The following SEC16B variants were observed in gnomAD, a reference collection of about 807,000 sequenced individuals.
SEC16B encodes the protein SEC16 homolog B, endoplasmic reticulum export factor, also known as protein transport protein Sec16B.
Under a neutral mutation model 141.8 loss-of-function variants are expected in SEC16B, and 115 were observed. The observed-to-expected ratio is 0.81, with a 90% CI of 0.70 to 0.95. SEC16B has a LOEUF of 0.95. Ranked by LOEUF, SEC16B falls within the 40% of genes least tolerant of loss-of-function variation. The pLI, the probability that SEC16B is intolerant of heterozygous loss-of-function variation, is 0.00. For synonymous variants in SEC16B, 493 were observed against 492.5 expected (o/e 1.00, Z -0.01); for missense variants, 1,291 against 1,312.3 (o/e 0.98, Z 0.25).
chr1:177,944,728 A>C (rs1369087477), intron 14 of SEC16B, 62 bp from the exon 15 acceptor site: 30 of 1,357,208 alleles, frequency 2.2e-5, no homozygotes, highest in Non-Finnish European at 3.1e-5. Flanking sequence ...GTTAAATCCT[A>C]GTGGCTCTCC....
intron 8 of SEC16B, chr1:177,959,215 A>C: frequency 1.9e-6 from 1 of 515,988 alleles, no homozygotes; most frequent in South Asian, 2.0e-5. Flanking sequence ...AGAGGCTCAG[A>C]GACCTGAAGT....
intron 4 of SEC16B, 140 bp from the exon 5 acceptor site, chr1:177,964,419 C>T: frequency 1.8e-6 from 1 of 567,936 alleles, no homozygotes; most frequent in Non-Finnish European, 3.2e-6. Context: ...AAGCATTTTC[C>T]TCCTACTCAC....
At chr1:177,958,091 A>T in intron 10 of SEC16B, 41 bp downstream of exon 10, 2 of 1,365,018 alleles carry the variant, frequency 1.5e-6, no homozygotes, top group Non-Finnish European at 1.9e-6. Context: ...AGGGATGGTG[A>T]TTGCTTTTTC....
At chr1:177,952,819 A>G (rs1652304362) in intron 11 of SEC16B, among the ~76,000 whole-genome samples, 3 of 152,052 alleles carry the variant, frequency 2.0e-5, no homozygotes, top group Non-Finnish European at 2.9e-5. Context: ...ACGTATCACA[A>G]TACAATTTCT....
At chr1:177,939,651 T>C in intron 18 of SEC16B, 51 bp downstream of exon 18, 1 of 1,388,862 alleles carries the variant, frequency 7.2e-7, no homozygotes, top group Non-Finnish European at 1.0e-6. Context: ...TCTCGTAGAA[T>C]CAGATCCTGA....
intron 1 of SEC16B, among the ~76,000 whole-genome samples, chr1:177,980,965 T>C (rs905295041): frequency 6.6e-6 from 1 of 152,038 alleles, no homozygotes; most frequent in South Asian, 2.1e-4. Context: ...ATGCTCAATG[T>C]GGTTTGAGCT....
chr1:177,954,336 T>G lies in SEC16B; in HGVS notation c.1406A>C (p.His469Pro). The G allele has an allele frequency of 6.3e-7, 1 of 1,576,634 alleles. No individual in the cohort carries two copies. The highest frequency in any genetic ancestry group is 8.6e-7 in the Non-Finnish European group (1 of 1,160,150). ...CATCTTGCTGGACAGGAACAAAGCA[T>G]GGCCCCACAAGTGGTTCTTCATGGC... ...EWAMKNHLWG[H>P]ALFLSSKMDP... The change falls in exon 11 of 26, where the codon CAT becomes CCT. Residue 469 changes from histidine to proline, a missense_variant. This residue lies in a region of SEC16B where 681 missense variants were observed against 675.5 expected (regional missense o/e 1.01). Coordinates refer to ENST00000308284, the MANE Select transcript of SEC16B (RefSeq NM_033127.4).
At chr1:177,956,494 A>G (rs1652611015) in intron 10 of SEC16B, among the ~76,000 whole-genome samples, 1 of 152,164 alleles carries the variant, frequency 6.6e-6, no homozygotes, top group Non-Finnish European at 1.5e-5. Context: ...GATATTTCTG[A>G]GAGGAAAACT....
intron 6 of SEC16B, chr1:177,961,270 G>A: frequency 6.8e-6 from 3 of 438,000 alleles, no homozygotes; most frequent in Non-Finnish European, 1.2e-5. Context: ...TCCAGACAAA[G>A]CAATGAAGCT....
intron 1 of SEC16B, among the ~76,000 whole-genome samples, chr1:177,980,766 A>G (rs1477653974): frequency 6.9e-6 from 1 of 145,934 alleles, no homozygotes; most frequent in African/African-American, 2.7e-5. Flanking sequence ...TGCGAAAAAA[A>G]AAAAGAAAGA....
At chr1:177,948,248 C>A in intron 12 of SEC16B, 1 of 965,620 alleles carries the variant, frequency 1.0e-6, no homozygotes, top group Non-Finnish European at 1.4e-6. Flanking sequence ...AGTGCCTGAC[C>A]CCCAGATAGC....
At chr1:177,971,342 A>G (rs1653941178), upstream of SEC16B, 1 of 152,180 alleles carries the variant, frequency 6.6e-6, no homozygotes, top group Non-Finnish European at 1.5e-5. Context: ...AGCCTCCCAA[A>G]GTGCTGGGAT....
rs778784885 is a variant in SEC16B at position 177,944,644 on chromosome 1, T to C, written c.1798A>G (p.Thr600Ala). The change falls in exon 15 of 26, where the codon ACA becomes GCA. Residue 600 changes from threonine (T) to alanine (A), a missense_variant. Thr to Ala is a moderately conservative substitution (Grantham distance 58). This residue lies in a region of SEC16B where 605 missense variants were observed against 614.1 expected (regional missense o/e 0.99). Coordinates refer to ENST00000308284, the MANE Select transcript of SEC16B (RefSeq NM_033127.4). ...TCCGTCCTCTGGATTGCCTCAGTTG[T>C]TGCAAATTTCAAAAACTCTTGACTA... ...SHSQEFLKFATTEAIQRTEIF... is the reference protein window; with the variant it reads ...SHSQEFLKFAATEAIQRTEIF... 43 of 1,613,730 alleles carry C rather than the reference T, an allele frequency of 2.7e-5. No individual in the cohort carries two copies. In the East Asian group the frequency reaches 5.8e-4, roughly 22 times the overall value.
intron 24 of SEC16B, among the ~76,000 whole-genome samples, chr1:177,931,703 A>C (rs1339821225): frequency 6.6e-6 from 1 of 152,254 alleles, no homozygotes; most frequent in Non-Finnish European, 1.5e-5. Flanking sequence ...AATACTGACA[A>C]GAAGAAAAAG....
chr1:177,940,500 A>G, intron 17 of SEC16B, 110 bp downstream of exon 17: 1 of 724,360 alleles, frequency 1.4e-6, no homozygotes, highest in Non-Finnish European at 2.4e-6. Context: ...AGGGTGAGGC[A>G]TGGGGACCAG....
chr1:177,936,180 A>C, intron 20 of SEC16B, 118 bp downstream of exon 20: 2 of 776,128 alleles, frequency 2.6e-6, no homozygotes, highest in Non-Finnish European at 4.4e-6. Flanking sequence ...GAGATGTGGA[A>C]GAGAAAGCTG....
In SEC16B at chr1:177,954,329, C is replaced by A; in HGVS notation, c.1413G>T (p.Leu471Phe). ...GTGGGTCCATCTTGCTGGACAGGAA[C>A]AAAGCATGGCCCCACAAGTGGTTCT... is the stretch of plus-strand genomic sequence containing the variant. Reference protein sequence around the residue: ...AMKNHLWGHALFLSSKMDPQT... With the variant: ...AMKNHLWGHAFFLSSKMDPQT... The change falls in exon 11 of 26, where the codon TTG becomes TTT. Residue 471 changes from leucine to phenylalanine, a missense_variant. Leu to Phe is a conservative substitution (Grantham distance 22). This residue lies in a region of SEC16B where 681 missense variants were observed against 675.5 expected (regional missense o/e 1.01). Coordinates refer to ENST00000308284, the MANE Select transcript of SEC16B (RefSeq NM_033127.4). 6.3e-7 allele frequency: 1 copy of A among 1,575,972 alleles called. No individual in the cohort carries two copies. Among genetic ancestry groups the A allele is most frequent in the Non-Finnish European group, 8.6e-7 (1 of 1,159,770 alleles).
intron 12 of SEC16B, among the ~76,000 whole-genome samples, chr1:177,949,230 C>T (rs1267881518): frequency 6.6e-6 from 1 of 152,152 alleles, no homozygotes; most frequent in African/African-American, 2.4e-5. Context: ...TCATGTGTCA[C>T]ATCGAACCAT....
chr1:177,946,199 A>AGAG, intron 14 of SEC16B: 1 of 617,434 alleles, frequency 1.6e-6, no homozygotes, highest in East Asian at 2.7e-5. Context: ...ACCTCTTTGC[A>AGAG]GAGGAGGACC....
Sources: allele counts gnomAD v4.1 joint callset (sites outside exome capture counted in the v4.1 genomes callset), GRCh38; gene constraint gnomAD v4.1.1; regional missense constraint gnomAD v4.1.1; transcripts MANE v1.5; gene names NCBI Gene and HGNC (gene_info 2026-07-23, HGNC 2026-07-21).